The following RTN4IP1 variants were observed in gnomAD, a reference collection of about 807,000 sequenced individuals.
The protein encoded by RTN4IP1 is reticulon 4 interacting protein 1, also known as NAD(P)H oxidoreductase RTN4IP1, mitochondrial.
Under a neutral mutation model 46.6 loss-of-function variants are expected in RTN4IP1, and 32 were observed. The observed-to-expected ratio is 0.69, with a 90% CI of 0.52 to 0.92. The LOEUF (loss-of-function observed/expected upper bound fraction) is 0.92. Among genes scored for constraint, RTN4IP1 ranks in the 40% least tolerant of loss-of-function variants. The pLI, the probability that RTN4IP1 is intolerant of heterozygous loss-of-function variation, is 0.00. For synonymous variants in RTN4IP1, 167 were observed against 161.8 expected, an observed-to-expected ratio of 1.03 and a Z score of -0.24; for missense variants, 424 against 485.8, an observed-to-expected ratio of 0.87 and a Z score of 1.20.
chr6:106,609,405 T>C (rs535374476), intron 4 of RTN4IP1, among the ~76,000 whole-genome samples: 2 of 151,976 alleles, frequency 1.3e-5, no homozygotes, highest in African/African-American at 4.8e-5. Flanking sequence ...AAATAAAAAA[T>C]AAATTATCTA....
At chr6:106,597,493 G>A (rs1031356376) in intron 5 of RTN4IP1, among the ~76,000 whole-genome samples, 2 of 151,950 alleles carry the variant, frequency 1.3e-5, no homozygotes, top group African/African-American at 4.8e-5. Context: ...ACAGGTATGA[G>A]CCACCATGCC....
In RTN4IP1 at chr6:106,628,832, T is replaced by C; in HGVS notation, c.190A>G (p.Met64Val). ...TTTGGATAGTGTATGATAGGCATCA[T>C]CATGTTCTGAGTGAATCGAAGCACT... ...NEVLRFTQNM[M>V]MPIIHYPNEV... The change falls in exon 1 of 9, where the codon ATG becomes GTG. Residue 64 changes from methionine to valine, a missense_variant. By Grantham distance (21) the Met-to-Val change is conservative. Transcript: ENST00000369063. 1.2e-6 allele frequency: 2 copies of C among 1,614,128 alleles called. No individual in the cohort carries two copies. The highest frequency in any genetic ancestry group is 1.3e-5 in the African/African-American group (1 of 75,068).
At chr6:106,622,692 G>A (rs1380417838) in intron 2 of RTN4IP1, 126 bp downstream of exon 2, 4 of 928,978 alleles carry the variant, frequency 4.3e-6, no homozygotes, top group Non-Finnish European at 4.7e-6. Context: ...TGCAGATTCA[G>A]GGAGCAGAAG....
chr6:106,589,866 T>C (rs1457542126), intron 6 of RTN4IP1, among the ~76,000 whole-genome samples: 1 of 152,162 alleles, frequency 6.6e-6, no homozygotes, highest in East Asian at 1.9e-4. Flanking sequence ...AAGTTCCCCC[T>C]ACTAGAAAAG....
chr6:106,622,672 G>C (rs573009445), intron 2 of RTN4IP1, 146 bp downstream of exon 2: 1 of 758,758 alleles, frequency 1.3e-6, no homozygotes, highest in South Asian at 2.0e-5. Flanking sequence ...TCAGTTTAGG[G>C]GGCAGATGCT....
At chr6:106,579,774 C>G (rs1775313401) in intron 8 of RTN4IP1, among the ~76,000 whole-genome samples, 1 of 151,490 alleles carries the variant, frequency 6.6e-6, no homozygotes, top group African/African-American at 2.4e-5. Context: ...ACTCATTAAT[C>G]CAGATTCTTT....
At chr6:106,579,542 T>C (rs1775307821) in intron 8 of RTN4IP1, among the ~76,000 whole-genome samples, 1 of 152,130 alleles carries the variant, frequency 6.6e-6, no homozygotes. Flanking sequence ...CTTTTGAGCC[T>C]GACAATAGTG....
intron 8 of RTN4IP1, among the ~76,000 whole-genome samples, chr6:106,575,027 C>G (rs983659574): frequency 6.6e-6 from 1 of 152,194 alleles, no homozygotes; most frequent in South Asian, 2.1e-4. Context: ...GAATCTGTGA[C>G]AGCAAACAGA....
At chr6:106,628,707 G>C (rs1247343303) in intron 1 of RTN4IP1, 41 bp downstream of exon 1, 1 of 1,555,578 alleles carries the variant, frequency 6.4e-7, no homozygotes, top group Non-Finnish European at 8.8e-7. Flanking sequence ...TTATGAAAGT[G>C]ATTTTTTTAA....
At chr6:106,621,599 C>A in intron 2 of RTN4IP1, 106 bp from the exon 3 acceptor site, 1 of 826,636 alleles carries the variant, frequency 1.2e-6, no homozygotes, top group South Asian at 1.4e-5. Context: ...GTGAAAAACA[C>A]AGAAGTCAGC....
intron 1 of RTN4IP1, among the ~76,000 whole-genome samples, chr6:106,624,137 C>T (rs1342661779): frequency 6.6e-6 from 1 of 152,096 alleles, no homozygotes; most frequent in African/African-American, 2.4e-5. Flanking sequence ...CTCATTGCAA[C>T]CTCTGCCTCC....
chr6:106,582,014 A>G (rs916981547), intron 8 of RTN4IP1, among the ~76,000 whole-genome samples: 2 of 152,218 alleles, frequency 1.3e-5, no homozygotes, highest in African/African-American at 4.8e-5. Context: ...CCCACAAAGG[A>G]GGAGTTACAC....
intron 4 of RTN4IP1, among the ~76,000 whole-genome samples, chr6:106,618,576 C>T (rs1159580060): frequency 6.6e-6 from 1 of 152,152 alleles, no homozygotes; most frequent in Non-Finnish European, 1.5e-5. Context: ...GAGTGGGTCA[C>T]CCAACTGGAA....
chr6:106,573,079 C>T (rs1775120802), intron 8 of RTN4IP1, among the ~76,000 whole-genome samples: 1 of 152,230 alleles, frequency 6.6e-6, no homozygotes, highest in African/African-American at 2.4e-5. Flanking sequence ...ACAAGAAAGT[C>T]ATTCCAGCCA....
chr6:106,583,693 T>C (rs1478420349), intron 7 of RTN4IP1: 2 of 359,412 alleles, frequency 5.6e-6, no homozygotes, highest in Non-Finnish European at 1.1e-5. Flanking sequence ...ACAGGAAAGC[T>C]TTCCTTAAAA....
chr6:106,628,123 C>T (rs1487018739), intron 1 of RTN4IP1, among the ~76,000 whole-genome samples: 1 of 151,322 alleles, frequency 6.6e-6, no homozygotes, highest in Non-Finnish European at 1.5e-5. Context: ...ACTATACTTC[C>T]GAAGCCTGTG....
At chr6:106,572,258 G>GTTTGCATCCCCCACAACACCAGGCATA in intron 8 of RTN4IP1, 155 bp from the exon 9 acceptor site, 1 of 626,316 alleles carries the variant, frequency 1.6e-6, no homozygotes. Context: ...CAAGGGCCAT[G>GTTTGCATCCCCCACAACACCAGGCATA]ATGCTGCCTC....
At chr6:106,614,114 A>G (rs1320083433) in intron 4 of RTN4IP1, among the ~76,000 whole-genome samples, 2 of 152,232 alleles carry the variant, frequency 1.3e-5, no homozygotes, top group Non-Finnish European at 2.9e-5. Flanking sequence ...AACCTTGCCA[A>G]AATAAACTTT....
rs1776525768 is a variant in RTN4IP1, at chr6:106,622,987, T to A, written c.275-18A>T. 14 of 1,611,942 alleles carry A rather than the reference T, an allele frequency of 8.7e-6. No individual in the cohort carries two copies. The highest frequency in any genetic ancestry group is 1.2e-5 in the Non-Finnish European group (14 of 1,178,454). ...ATAACCACCTGTAAAATACAATTTA[T>A]CTGTTTCCTCCAAATGTAAGTATGA... is the stretch of plus-strand genomic sequence containing the variant. On this transcript the variant is annotated intron_variant, in intron 1 of 8. Transcript: ENST00000369063.
Sources: allele counts gnomAD v4.1 joint callset (sites outside exome capture counted in the v4.1 genomes callset), GRCh38; gene constraint gnomAD v4.1.1; transcripts MANE v1.5; gene names NCBI Gene and HGNC (gene_info 2026-07-23, HGNC 2026-07-21).